Variants in ORC5 observed in about 807,000 individuals in gnomAD.
ORC5 encodes protein phosphatase 1, regulatory subunit 117.
A neutral mutation model predicts 58.8 loss-of-function variants in ORC5; 39 were observed. The ratio of observed to expected loss-of-function variants is 0.66; its 90% confidence interval spans 0.51 to 0.87. ORC5 has a LOEUF of 0.87. ORC5 is among the 40% of genes least tolerant of loss of function. The pLI is 0.00. For missense variants in ORC5, 493 were observed against 506.3 expected, an observed-to-expected ratio of 0.97 and a Z score of 0.25; for synonymous variants, 218 against 177.6, an observed-to-expected ratio of 1.23 and a Z score of -1.81.
chr7:104,152,778 C>G (rs985099843), intron 12 of ORC5, among the ~76,000 whole-genome samples: 1 of 152,086 alleles, frequency 6.6e-6, no homozygotes, highest in African/African-American at 2.4e-5. Context: ...TAACACTAAT[C>G]TTTGAGAAAG....
At chr7:104,146,138 A>G (rs928732994) in intron 12 of ORC5, among the ~76,000 whole-genome samples, 7 of 152,222 alleles carry the variant, frequency 4.6e-5, no homozygotes, top group Non-Finnish European at 7.3e-5. Context: ...GAGTTTTCTA[A>G]ATCACATTTG....
rs1390079637 is a variant in ORC5 at position 104,138,836 on chromosome 7, G to A, written c.1150-1943C>T. Among the ~76,000 whole-genome samples the A allele has an allele frequency of 1.3e-5, 2 of 152,136 alleles. No homozygotes were observed. Among genetic ancestry groups the A allele is most frequent in the African/African-American group, 2.4e-5 (1 of 41,436 alleles). On this transcript the variant is annotated intron_variant, in intron 12 of 13. Transcript: ENST00000297431. The surrounding 1 kb of genome is among the most constrained non-coding windows in gnomAD (Gnocchi z 4.7). ...ATTGCTTTAAAACTTATTGCTGATC[G>A]TGTACTCAGGAAAACACCAGAAGGA...
intron 4 of ORC5, 49 bp from the exon 5 acceptor site, chr7:104,195,303 C>A: frequency 9.4e-7 from 1 of 1,060,106 alleles, no homozygotes; most frequent in South Asian, 1.6e-5. Flanking sequence ...AAATCTTAAT[C>A]GGAGCAGTAT....
rs111659818 is a variant in ORC5 at position 104,150,501 on chromosome 7, A to G, written c.1149+10571T>C. 7.0e-3 allele frequency among the ~76,000 whole-genome samples: 1,066 copies of G among 152,026 alleles called. 11 individuals are homozygous for G. The highest frequency in any genetic ancestry group is 0.025 in the African/African-American group (1,032 of 41,402). ...CACATGGCAGAAATAGGCAAATATC[A>G]TCAAAGCAGTTCAACTTTAAATCAC... On this transcript the variant is annotated intron_variant, in intron 12 of 13. Transcript: ENST00000297431.
chr7:104,152,595 T>A (rs919648313), intron 12 of ORC5, among the ~76,000 whole-genome samples: 1 of 152,158 alleles, frequency 6.6e-6, no homozygotes, highest in Non-Finnish European at 1.5e-5. Context: ...ATAGTCACTA[T>A]ATATTAGTAG....
chr7:104,161,426 C>T (rs1369025032), intron 11 of ORC5, among the ~76,000 whole-genome samples: 2 of 152,108 alleles, frequency 1.3e-5, no homozygotes, highest in African/African-American at 4.8e-5. Context: ...GCAGTGGCAG[C>T]GCAATCATGG....
At chr7:104,174,951 G>A (rs1250761866) in intron 8 of ORC5, among the ~76,000 whole-genome samples, 1 of 152,194 alleles carries the variant, frequency 6.6e-6, no homozygotes, top group East Asian at 1.9e-4. Context: ...AGGGTTGTAG[G>A]AACCCAGAAG....
At chr7:104,169,636 A>C (rs925614549) in intron 8 of ORC5, among the ~76,000 whole-genome samples, 7 of 152,210 alleles carry the variant, frequency 4.6e-5, no homozygotes, top group Non-Finnish European at 7.3e-5. Context: ...AGAACAATTA[A>C]ATATCCAAAA....
chr7:104,187,051 C>G (rs746610619), intron 6 of ORC5, among the ~76,000 whole-genome samples: 1 of 152,132 alleles, frequency 6.6e-6, no homozygotes, highest in Non-Finnish European at 1.5e-5. Flanking sequence ...AAATGGCTGT[C>G]AGCACAGATT....
At chr7:104,162,940 T>C (rs142116104) in intron 11 of ORC5, among the ~76,000 whole-genome samples, 112 of 152,370 alleles carry the variant, frequency 7.4e-4, no homozygotes, top group African/African-American at 2.6e-3. Flanking sequence ...AAATTTTATA[T>C]AAATGATATC....
chr7:104,166,031 C>G (rs1239054720), intron 10 of ORC5, among the ~76,000 whole-genome samples: 1 of 119,038 alleles, frequency 8.4e-6, no homozygotes, highest in African/African-American at 2.6e-5. Flanking sequence ...CACTCTGTCT[C>G]AAAAAAATAA....
chr7:104,157,361 T>A (rs796338353), intron 12 of ORC5, among the ~76,000 whole-genome samples: 3 of 152,142 alleles, frequency 2.0e-5, no homozygotes, highest in African/African-American at 7.2e-5. Context: ...AAGATTGTGT[T>A]CCTAAATGAC....
intron 13 of ORC5, among the ~76,000 whole-genome samples, chr7:104,128,153 T>C (rs762600503): frequency 6.6e-6 from 1 of 152,226 alleles, no homozygotes; most frequent in Non-Finnish European, 1.5e-5. Flanking sequence ...GATGGAGTCT[T>C]GCTCTGTCGC....
Position 104,197,921 on chromosome 7 carries a change from T to C in ORC5, c.367-122A>G, listed in dbSNP as rs556077821. ...GAACTTAATCCCCAGTGTGGCAGTATTGGGAAGAGAAGCTGCATAAAAGAT... is the reference window on the plus strand; with the variant it reads ...GAACTTAATCCCCAGTGTGGCAGTACTGGGAAGAGAAGCTGCATAAAAGAT... On this transcript the variant is annotated intron_variant, in intron 3 of 13. Coordinates refer to ENST00000297431, the MANE Select transcript of ORC5 (RefSeq NM_002553.4). 3.3e-5 allele frequency: 19 copies of C among 572,340 alleles called. No individual in the cohort carries two copies. The East Asian group carries it at 4.6e-4, about 14-fold the overall frequency. The allele number at this position is 572,340 out of a possible 1,614,324, so 35.5% of individuals were successfully genotyped here. A position where few individuals can be genotyped will look rare whatever the true frequency, so the allele number is the denominator to read the frequency against.
chr7:104,157,959 C>T (rs1281459184), intron 12 of ORC5, among the ~76,000 whole-genome samples: 1 of 152,068 alleles, frequency 6.6e-6, no homozygotes, highest in Non-Finnish European at 1.5e-5. Context: ...CTTTCTGAAT[C>T]TCTAACCTTA....
At chr7:104,180,215 G>A (rs1255035618) in intron 8 of ORC5, among the ~76,000 whole-genome samples, 1 of 152,122 alleles carries the variant, frequency 6.6e-6, no homozygotes, top group Admixed American at 6.5e-5. Context: ...TTTTCACTGG[G>A]TTCAACTTCC....
rs1371021188 is a variant in ORC5 at position 104,129,134 on chromosome 7, G to T, written c.1263-2241C>A. Among the ~76,000 whole-genome samples, 1 of 152,128 alleles carries T rather than the reference G, an allele frequency of 6.6e-6. No individual in the cohort carries two copies. Among genetic ancestry groups the T allele is most frequent in the Non-Finnish European group, 1.5e-5 (1 of 68,024 alleles). Reference sequence around the variant, plus strand: ...AGAGAAATGTTTGTCTAATGGACTAGTACTAGAAGAGCACAAATACATGAA... The same window carrying T: ...AGAGAAATGTTTGTCTAATGGACTATTACTAGAAGAGCACAAATACATGAA... On this transcript the variant is annotated intron_variant, in intron 13 of 13. Coordinates refer to ENST00000297431, the MANE Select transcript of ORC5 (RefSeq NM_002553.4). This position sits in a 1 kb window ranked among gnomAD's most constrained non-coding sequence, Gnocchi z 4.9.
At position 104,134,755 on chromosome 7, in the gene ORC5, G is replaced by A. The variant is rs116211847; in HGVS notation, c.1262+2026C>T. Among the ~76,000 whole-genome samples the A allele has an allele frequency of 7.2e-3, 1,103 of 152,268 alleles. 17 individuals carry two copies. Among genetic ancestry groups the A allele is most frequent in the African/African-American group, 0.025 (1,045 of 41,556 alleles). On this transcript the variant is annotated intron_variant, in intron 13 of 13. Transcript: ENST00000297431. ...GGAATCAGGTTTTAGCTAAGGCAATGAGGAAGACTATTAGGAGAATAATAA... is the reference window on the plus strand; with the variant it reads ...GGAATCAGGTTTTAGCTAAGGCAATAAGGAAGACTATTAGGAGAATAATAA...
At chr7:104,127,444 T>C (rs1798446820) in intron 13 of ORC5, among the ~76,000 whole-genome samples, 1 of 152,222 alleles carries the variant, frequency 6.6e-6, no homozygotes, top group African/African-American at 2.4e-5. Flanking sequence ...GATGTGAATG[T>C]ATATTTTTGT....
Sources: gnomAD v4.1 joint callset for allele counts (sites outside exome capture counted in the v4.1 genomes callset) on GRCh38, gnomAD v4.1.1 for gene constraint, Gnocchi (gnomAD v3.1) non-coding constraint, MANE v1.5 for transcripts, NCBI Gene and HGNC (gene_info 2026-07-23, HGNC 2026-07-21) for gene names.